The following SEC16A variants were observed in gnomAD, a reference collection of about 807,000 sequenced individuals.
The protein encoded by SEC16A is protein transport protein Sec16A.
SEC16A carries 110 observed loss-of-function variants against 221.9 expected under a neutral mutation model. The observed-to-expected ratio is 0.50, with a 90% CI of 0.42 to 0.58. The LOEUF (loss-of-function observed/expected upper bound fraction) is 0.58. Ranked by LOEUF, SEC16A falls within the 20% of genes least tolerant of loss-of-function variation. The pLI is 0.00. For synonymous variants in SEC16A, 1,393 were observed against 1,257.7 expected (o/e 1.11, Z -2.28); for missense variants, 3,165 against 3,097.8 (o/e 1.02, Z -0.52).
Position 136,466,961 on chromosome 9 carries a change from C to T in SEC16A, c.3925G>A (p.Asp1309Asn). The T allele has an allele frequency of 6.2e-7, 1 of 1,612,502 alleles. No homozygotes were observed. The highest frequency in any genetic ancestry group is 8.5e-7 in the Non-Finnish European group (1 of 1,179,382). ...AYRREHSAFG[D>N]RPEKRDNNWR... is the part of the protein sequence containing the mutation. ...CCCCAGGGGTGCTCCACCAACCTGT[C>T]CCCGAAGGCAGAGTGCTCTCTCCTG... is the stretch of plus-strand genomic sequence containing the variant. Residue 1309 changes from aspartate (D) to asparagine (N), a missense_variant, in exon 6 of 32, where the codon GAC becomes AAC. Around this residue, in one of 3 missense-constraint regions of SEC16A, gnomAD observed 2,030 missense variants for 1,923.1 expected, o/e 1.06. Transcript: ENST00000684901. The surrounding 1 kb of genome is among the most constrained non-coding windows in gnomAD (Gnocchi z 5.5).
chr9:136,455,999 G>T, intron 19 of SEC16A, 54 bp downstream of exon 19: 2 of 1,435,544 alleles, frequency 1.4e-6, no homozygotes, highest in South Asian at 1.2e-5. Context: ...GAAATGACAG[G>T]GACAGAAGCC....
At chr9:136,480,142 G>A (rs1422736906) in intron 1 of SEC16A, among the ~76,000 whole-genome samples, 1 of 152,208 alleles carries the variant, frequency 6.6e-6, no homozygotes, top group Non-Finnish European at 1.5e-5. Context: ...GGACTGAAAG[G>A]AGAACAGGCA....
chr9:136,443,860 C>T lies in SEC16A; in HGVS notation c.6968G>A (p.Gly2323Glu), dbSNP rs1836558432. Residue 2323 changes from glycine (G) to glutamate (E), a missense_variant, in exon 31 of 32, where the codon GGG becomes GAG. Physicochemically the swap from Gly to Glu is moderately conservative, Grantham distance 98 (BLOSUM62 -2). This residue lies in a region of SEC16A where 1,088 missense variants were observed against 1,089.6 expected (regional missense o/e 1.00). Transcript: ENST00000684901. The stretch of plus-strand genomic sequence containing the variant: ...AGCAGGGTTGTAGAAGGGCATGGCC[C>T]CGCTGGGAGGGCCCCCTGCAGCAGG... The part of the protein sequence containing the change: ...DLPAAGGPPS[G>E]AMPFYNPAQL... 1.2e-6 allele frequency: 2 copies of T among 1,611,556 alleles called. No homozygotes were observed. Among genetic ancestry groups the T allele is most frequent in the Non-Finnish European group, 1.7e-6 (2 of 1,178,916 alleles).
chr9:136,448,065 C>T lies in SEC16A; in HGVS notation c.6390+19G>A, dbSNP rs1486784506. 2.2e-5 allele frequency: 35 copies of T among 1,601,040 alleles called. No homozygotes were observed. In the African/African-American group the frequency reaches 3.1e-4, roughly 14 times the overall value. On this transcript the variant is annotated intron_variant, in intron 24 of 31. Transcript: ENST00000684901. ...ATTACAATTCTTCGGACGTCCCGTG[C>T]GTATTTGACAGCACTCACCGATTTG...
intron 4 of SEC16A, among the ~76,000 whole-genome samples, chr9:136,469,791 C>T (rs1840623804): frequency 6.6e-6 from 1 of 152,248 alleles, no homozygotes; most frequent in African/African-American, 2.4e-5. Context: ...AGGTTGGCTG[C>T]TCGGTTGGCG....
At chr9:136,461,064 G>T in intron 13 of SEC16A, 113 bp downstream of exon 13, 1 of 793,166 alleles carries the variant, frequency 1.3e-6, no homozygotes, top group Non-Finnish European at 2.2e-6. Context: ...TCGTGTGGGA[G>T]CACAGCACAG....
At position 136,476,077 on chromosome 9, in the gene SEC16A, C is replaced by T. The variant is rs1841584242; in HGVS notation, c.1539G>A (p.Leu513=). 1 of 1,613,578 alleles carries T rather than the reference C, an allele frequency of 6.2e-7. No homozygotes were observed. The highest frequency in any genetic ancestry group is 1.3e-5 in the African/African-American group (1 of 75,038). The part of the protein sequence containing the change: ...VCHTGAPDAT[L]HTVHPDSVSS... ...ACACGCTGTCAGGGTGCACTGTATG[C>T]AGTGTGGCATCAGGGGCTCCGGTGT... Residue 513 remains leucine, a synonymous_variant, in exon 3 of 32, where the codon CTG becomes CTA. Transcript: ENST00000684901.
rs775779815 is a variant in SEC16A at position 136,455,698 on chromosome 9, G to A, written c.5760C>T (p.Leu1920=). ...CGATCCCCAGGGCTCCTGGCTGACT[G>A]AGTCCTGGCCTGTCCAACTGCTCCA... is the stretch of plus-strand genomic sequence containing the variant. ...SEMEQLDRPG[L]SQPGALGIAN... is the part of the protein sequence containing the mutation. The change falls in exon 20 of 32, where the codon CTC becomes CTT. Residue 1920 remains leucine (L), a synonymous_variant. Coordinates refer to ENST00000684901, the MANE Select transcript of SEC16A (RefSeq NM_014866.2). 8 of 1,593,204 alleles carry A rather than the reference G, an allele frequency of 5.0e-6. No individual in the cohort carries two copies. The African/African-American group carries it at 9.4e-5, about 19-fold the overall frequency.
In SEC16A at chr9:136,447,739, GCA is replaced by G; in HGVS notation, c.6448-61_6448-60del. 6.5e-7 allele frequency: 1 copy of G among 1,547,530 alleles called. No individual in the cohort carries two copies. Among genetic ancestry groups the G allele is most frequent in the Non-Finnish European group, 8.9e-7 (1 of 1,126,386 alleles). ...GTGTGCACAGAAACCCACTGGGATG[GCA>G]CAGTCAGGAGGCTCCAAAAGGGGCA... On this transcript the variant is annotated intron_variant, in intron 25 of 31. Coordinates refer to ENST00000684901, the MANE Select transcript of SEC16A (RefSeq NM_014866.2). The surrounding 1 kb of genome is among the most constrained non-coding windows in gnomAD (Gnocchi z 5.5).
At chr9:136,450,602 A>G (rs1837655300) in intron 23 of SEC16A, among the ~76,000 whole-genome samples, 1 of 152,214 alleles carries the variant, frequency 6.6e-6, no homozygotes, top group African/African-American at 2.4e-5. Context: ...AGAGGAAGAC[A>G]CAATGAGATG....
At chr9:136,444,914 C>G (rs1016943862) in intron 30 of SEC16A, 138 bp downstream of exon 30, 7 of 649,368 alleles carry the variant, frequency 1.1e-5, no homozygotes, top group Admixed American at 2.7e-5. Context: ...AACCCTGTAC[C>G]CTTGGTCACG....
intron 28 of SEC16A, 91 bp from the exon 29 acceptor site, chr9:136,445,810 G>T: frequency 8.5e-7 from 1 of 1,169,764 alleles, no homozygotes; most frequent in Non-Finnish European, 1.2e-6. Context: ...GTTCTGGCCT[G>T]GGTTACAAAC....
chr9:136,441,537 G>T lies in SEC16A; in HGVS notation c.*218C>A. ...TTTCGGCAAACAATTCTGAGTCAAAGATTCAGTCTTTCCATCCAGAATCTG... is the reference window on the plus strand; with the variant it reads ...TTTCGGCAAACAATTCTGAGTCAAATATTCAGTCTTTCCATCCAGAATCTG... On this transcript the variant is annotated 3_prime_UTR_variant, in exon 32 of 32. Transcript: ENST00000684901. The T allele has an allele frequency of 1.7e-6, 1 of 574,768 alleles. No homozygotes were observed. The highest frequency in any genetic ancestry group is 3.1e-6 in the Non-Finnish European group (1 of 319,102). The allele number at this position is 574,768 out of a possible 1,614,324, so 35.6% of individuals were successfully genotyped here.
Position 136,459,269 on chromosome 9 carries a change from GA to G in SEC16A, c.5304-31del. ...AGAGGAAGTGAATTATTTTGATTTGGAAAAAATGGCCAATTATTGGCATAGT... is the reference window on the plus strand; with the variant it reads ...AGAGGAAGTGAATTATTTTGATTTGGAAAAATGGCCAATTATTGGCATAGT... On this transcript the variant is annotated intron_variant, in intron 16 of 31. Transcript: ENST00000684901. This position sits in a 1 kb window ranked among gnomAD's most constrained non-coding sequence, Gnocchi z 6.1. The G allele has an allele frequency of 6.3e-7, 1 of 1,596,560 alleles. No individual in the cohort carries two copies. The highest frequency in any genetic ancestry group is 8.6e-7 in the Non-Finnish European group (1 of 1,168,344).
intron 17 of SEC16A, 35 bp from the exon 18 acceptor site, chr9:136,457,619 C>G: frequency 6.3e-7 from 1 of 1,591,796 alleles, no homozygotes; most frequent in Non-Finnish European, 8.6e-7. Flanking sequence ...CCTGCGGCTC[C>G]CCCGCGTCCG....
intron 18 of SEC16A, among the ~76,000 whole-genome samples, 168 bp from the exon 19 acceptor site, chr9:136,456,334 G>A (rs1838663403): frequency 6.6e-6 from 1 of 152,192 alleles, no homozygotes; most frequent in African/African-American, 2.4e-5. Context: ...CACATGGGAC[G>A]CTGGGTGACT....
At chr9:136,446,055 C>T (rs950728695) in intron 28 of SEC16A, among the ~76,000 whole-genome samples, 1 of 151,014 alleles carries the variant, frequency 6.6e-6, no homozygotes, top group Non-Finnish European at 1.5e-5. Context: ...GAATGGAGAA[C>T]AGGATTAGGC....
Position 136,477,255 on chromosome 9 carries a change from C to T in SEC16A, c.361G>A (p.Ala121Thr), listed in dbSNP as rs767504823. The T allele has an allele frequency of 1.2e-6, 2 of 1,613,918 alleles. No homozygotes were observed. Among genetic ancestry groups the T allele is most frequent in the South Asian group, 2.2e-5 (2 of 91,076 alleles). Residue 121 changes from alanine (A) to threonine (T), a missense_variant, in exon 3 of 32, where the codon GCC becomes ACC. Transcript: ENST00000684901. ...GTCAATGCACCAGAAAACGGACTGGCATGTGCTCTGGGCTGTGTCAGAGGT... is the reference window on the plus strand; with the variant it reads ...GTCAATGCACCAGAAAACGGACTGGTATGTGCTCTGGGCTGTGTCAGAGGT... ...PGPLTQPRAH[A>T]SPFSGALTPS...
At chr9:136,464,394 C>T (rs761221219) in intron 9 of SEC16A, 26 bp downstream of exon 9, 30 of 1,580,970 alleles carry the variant, frequency 1.9e-5, no homozygotes, top group Admixed American at 5.2e-5. Flanking sequence ...AGAGCAGTGA[C>T]GCCACGCTTC....
Sources: allele counts gnomAD v4.1 joint callset (sites outside exome capture counted in the v4.1 genomes callset), GRCh38; gene constraint gnomAD v4.1.1; regional missense constraint gnomAD v4.1.1; non-coding constraint Gnocchi (gnomAD v3.1); transcripts MANE v1.5; gene names NCBI Gene and HGNC (gene_info 2026-07-23, HGNC 2026-07-21).